Variants in AGTPBP1 observed in about 807,000 individuals in gnomAD.
AGTPBP1 encodes the protein ATP/GTP binding carboxypeptidase 1.
A neutral mutation model predicts 143.9 loss-of-function variants in AGTPBP1; 70 were observed. That is an observed-to-expected ratio of 0.49 (90% CI 0.40 to 0.59). The LOEUF (loss-of-function observed/expected upper bound fraction) is 0.59, where lower values mean the gene tolerates loss of function less well. AGTPBP1 is among the 20% of genes least tolerant of loss of function. AGTPBP1 has a pLI of 0.00. For missense variants in AGTPBP1, 1,229 were observed against 1,464.5 expected (o/e 0.84, Z 2.62); for synonymous variants, 463 against 500.2 (o/e 0.93, Z 0.99).
At chr9:85,654,165 T>A (rs1292842725) in intron 11 of AGTPBP1, among the ~76,000 whole-genome samples, 1 of 152,034 alleles carries the variant, frequency 6.6e-6, no homozygotes, top group Admixed American at 6.5e-5. Context: ...AAATAAAGAA[T>A]CTTCGTTTTT....
chr9:85,677,605 A>T (rs1324249453), intron 5 of AGTPBP1, 23 bp from the exon 6 acceptor site: 12 of 1,462,174 alleles, frequency 8.2e-6, no homozygotes, highest in Admixed American at 2.4e-5. Flanking sequence ...AAAAAAAAAA[A>T]TTTAAACAAC....
chr9:85,759,995 A>G, the AGTPBP1 span, among the ~76,000 whole-genome samples: 1 of 152,184 alleles, frequency 6.6e-6, no homozygotes, highest in Non-Finnish European at 1.5e-5. Context: ...AAACACCTCT[A>G]CGCAAATAAA....
intron 1 of AGTPBP1, among the ~76,000 whole-genome samples, chr9:85,725,652 G>A (rs1291667500): frequency 6.6e-6 from 1 of 152,176 alleles, no homozygotes; most frequent in Admixed American, 6.5e-5. Context: ...GCTTACACCT[G>A]TAATTCCAGC....
At position 85,589,630 on chromosome 9, in the gene AGTPBP1, G is replaced by A. The variant is rs1418982979; in HGVS notation, c.2620C>T (p.Arg874Trp). 7 of 1,613,408 alleles carry A rather than the reference G, an allele frequency of 4.3e-6. No homozygotes were observed. The highest frequency in any genetic ancestry group is 1.1e-5 in the South Asian group (1 of 90,986). The change falls in exon 20 of 26, where the codon CGG becomes TGG. Residue 874 changes from arginine to tryptophan, a missense_variant. By Grantham distance (101) the Arg-to-Trp change is moderately radical (BLOSUM62 -3). Coordinates refer to ENST00000357081, the MANE Select transcript of AGTPBP1 (RefSeq NM_001330701.2). ...AGGGTTTCACATAACACATCTTTCC[G>A]AAAATAGATTTGCTGAGGATTGTGT... The part of the protein sequence containing the change: ...SAHNPQQIYF[R>W]KDVLCETLSG...
chr9:85,724,672 A>G (rs1838356801), intron 1 of AGTPBP1, among the ~76,000 whole-genome samples: 1 of 152,152 alleles, frequency 6.6e-6, no homozygotes, highest in Non-Finnish European at 1.5e-5. Context: ...ACTGGCCACT[A>G]CTTGATTCTT....
intron 8 of AGTPBP1, among the ~76,000 whole-genome samples, chr9:85,662,201 C>T (rs7031647): frequency 0.24 from 37,029 of 151,896 alleles, 5,070 homozygotes; most frequent in East Asian, 0.51. Context: ...AAACAATAAT[C>T]GAGGACTAGG....
intron 14 of AGTPBP1, among the ~76,000 whole-genome samples, chr9:85,628,054 G>C (rs917955267): frequency 6.6e-5 from 10 of 152,112 alleles, no homozygotes; most frequent in Admixed American, 2.0e-4. Context: ...AAAATTAGGA[G>C]GGGAAAGGCA....
At chr9:85,733,991 C>T (rs569041737) in intron 1 of AGTPBP1, among the ~76,000 whole-genome samples, 1 of 152,294 alleles carries the variant, frequency 6.6e-6, no homozygotes, top group South Asian at 2.1e-4. Context: ...CGGTGGCTCA[C>T]GCCTGTAATC....
At chr9:85,750,103 T>C in the AGTPBP1 span, among the ~76,000 whole-genome samples, 5,005 of 152,180 alleles carry the variant, frequency 0.033, 211 homozygotes, top group African/African-American at 0.1. Flanking sequence ...AGGATGGTCT[T>C]GATCTCCTGA....
the AGTPBP1 span, among the ~76,000 whole-genome samples, chr9:85,799,384 T>C: frequency 6.6e-6 from 1 of 152,168 alleles, no homozygotes; most frequent in African/African-American, 2.4e-5. Context: ...TATCTAGTTC[T>C]AGATCCTTGA....
chr9:85,623,250 G>A (rs1006019950), intron 14 of AGTPBP1, among the ~76,000 whole-genome samples: 8 of 151,490 alleles, frequency 5.3e-5, no homozygotes, highest in South Asian at 4.2e-4. Context: ...TGGGAGATGC[G>A]GAATCTCCCA....
chr9:85,777,115 G>A, the AGTPBP1 span, among the ~76,000 whole-genome samples: 1 of 152,126 alleles, frequency 6.6e-6, no homozygotes, highest in Non-Finnish European at 1.5e-5. Context: ...AATCCCATGA[G>A]CATGAGCCCA....
At chr9:85,777,653 G>A in the AGTPBP1 span, among the ~76,000 whole-genome samples, 1 of 152,296 alleles carries the variant, frequency 6.6e-6, no homozygotes, top group South Asian at 2.1e-4. Context: ...ACTCACTTGG[G>A]ATACAAATAT....
chr9:85,804,375 C>A, the AGTPBP1 span, among the ~76,000 whole-genome samples: 219 of 152,242 alleles, frequency 1.4e-3, no homozygotes, highest in African/African-American at 4.6e-3. Flanking sequence ...ATCCCAAATG[C>A]CTACTCCTTC....
At chr9:85,760,870 C>T in the AGTPBP1 span, among the ~76,000 whole-genome samples, 1 of 152,150 alleles carries the variant, frequency 6.6e-6, no homozygotes, top group East Asian at 1.9e-4. Flanking sequence ...TAGAAAACCC[C>T]ATCGTCTCAG....
intron 18 of AGTPBP1, among the ~76,000 whole-genome samples, chr9:85,595,658 C>A (rs1829253723): frequency 1.3e-5 from 2 of 152,128 alleles, no homozygotes; most frequent in African/African-American, 4.8e-5. Context: ...TCCTGAGTAG[C>A]TGGGATTACA....
In AGTPBP1 at chr9:85,632,772, T is replaced by C. The variant is rs775558430; in HGVS notation, c.1905A>G (p.Lys635=). The part of the protein sequence containing the change: ...HDPDLYIEIV[K]NTKSVPEYSE... ...AATATTCTGGGACAGACTTCGTATT[T>C]TTCACAATCTCAATATAGAGGTCTG... Residue 635 remains lysine, a synonymous_variant, in exon 14 of 26, where the codon AAA becomes AAG. Coordinates refer to ENST00000357081, the MANE Select transcript of AGTPBP1 (RefSeq NM_001330701.2). The C allele has an allele frequency of 6.2e-7, 1 of 1,614,114 alleles. No individual in the cohort carries two copies. The highest frequency in any genetic ancestry group is 8.5e-7 in the Non-Finnish European group (1 of 1,179,996).
At chr9:85,575,841 C>T (rs1241916324) in intron 24 of AGTPBP1, among the ~76,000 whole-genome samples, 4 of 152,080 alleles carry the variant, frequency 2.6e-5, no homozygotes, top group Admixed American at 6.5e-5. Flanking sequence ...TCCACTACTT[C>T]GTATGCTAAT....
chr9:85,792,302 T>A, the AGTPBP1 span: 3 of 152,238 alleles, frequency 2.0e-5, no homozygotes, highest in Non-Finnish European at 4.4e-5. Context: ...TAACTGATAA[T>A]TTTCATAATT....
Sources: allele counts gnomAD v4.1 joint callset (sites outside exome capture counted in the v4.1 genomes callset), GRCh38; gene constraint gnomAD v4.1.1; transcripts MANE v1.5; gene names NCBI Gene and HGNC (gene_info 2026-07-23, HGNC 2026-07-21).